CEP63: variants seen among roughly 807,000 people sequenced by gnomAD.
CEP63 encodes centrosomal protein 63.
A neutral mutation model predicts 89.1 loss-of-function variants in CEP63; 84 were observed. That is an observed-to-expected ratio of 0.94 (90% CI 0.79 to 1.13). CEP63 has a LOEUF of 1.13. CEP63 is among the 50% of genes most tolerant of loss of function. The pLI, the probability that CEP63 is intolerant of heterozygous loss-of-function variation, is 0.00. For synonymous variants in CEP63, 267 were observed against 272.5 expected, an observed-to-expected ratio of 0.98 and a Z score of 0.20; for missense variants, 838 against 813.3, an observed-to-expected ratio of 1.03 and a Z score of -0.37.
At chr3:134,626,230 G>T in the CEP63 span, among the ~76,000 whole-genome samples, 1 of 152,260 alleles carries the variant, frequency 6.6e-6, no homozygotes, top group Non-Finnish European at 1.5e-5. Flanking sequence ...CATGTCGGGA[G>T]CCTCTGGGTG....
At chr3:134,652,275 T>C in the CEP63 span, among the ~76,000 whole-genome samples, 1 of 152,104 alleles carries the variant, frequency 6.6e-6, no homozygotes, top group African/African-American at 2.4e-5. Flanking sequence ...TCATTCTTAC[T>C]TCATTTTAAG....
the CEP63 span, among the ~76,000 whole-genome samples, chr3:134,653,775 C>T: frequency 6.6e-6 from 1 of 152,180 alleles, no homozygotes; most frequent in African/African-American, 2.4e-5. Flanking sequence ...GGACAAATAA[C>T]AGAACGCTCA....
At chr3:134,719,962 G>A in the CEP63 span, among the ~76,000 whole-genome samples, 4 of 152,098 alleles carry the variant, frequency 2.6e-5, no homozygotes, top group Non-Finnish European at 4.4e-5. Context: ...AAGGATATAT[G>A]TTTTCATTTG....
the CEP63 span, among the ~76,000 whole-genome samples, chr3:134,597,472 G>C: frequency 6.6e-6 from 1 of 152,194 alleles, no homozygotes; most frequent in Admixed American, 6.5e-5. Context: ...AAGTTAACTT[G>C]TGTGTGCTGC....
intron 13 of CEP63, 58 bp from the exon 14 acceptor site, chr3:134,559,092 G>T: frequency 6.3e-7 from 1 of 1,583,912 alleles, no homozygotes; most frequent in Non-Finnish European, 8.6e-7. Flanking sequence ...CATTTCTGTT[G>T]GAAAGAGAAA....
At chr3:134,726,851 G>A in the CEP63 span, among the ~76,000 whole-genome samples, 200 of 152,310 alleles carry the variant, frequency 1.3e-3, 1 homozygote, top group Admixed American at 4.5e-3. Context: ...TTAGCACAGG[G>A]AACTGCCGGC....
chr3:134,633,138 G>T, the CEP63 span, among the ~76,000 whole-genome samples: 1 of 151,932 alleles, frequency 6.6e-6, no homozygotes, highest in Admixed American at 6.6e-5. Flanking sequence ...CCCCCCAAAA[G>T]CCAGGCCCAG....
At position 134,558,338 on chromosome 3, in the gene CEP63, CAG is replaced by C; in HGVS notation, c.1667_1668del (p.Glu556ValfsTer11). On this transcript the variant is annotated frameshift_variant, in exon 13 of 15. Transcript: ENST00000675561. LOFTEE classifies it high-confidence loss of function. ...AGCAGAACAACTGAGTTCAAGAATA[CAG>C]AGTTCAAGTAAAATTTTTTAAAAGT... 6.2e-7 allele frequency: 1 copy of C among 1,606,718 alleles called. No individual in the cohort carries two copies. The highest frequency in any genetic ancestry group is 8.5e-7 in the Non-Finnish European group (1 of 1,176,364).
At chr3:134,666,648 G>A in the CEP63 span, among the ~76,000 whole-genome samples, 2 of 152,082 alleles carry the variant, frequency 1.3e-5, no homozygotes, top group Non-Finnish European at 2.9e-5. Context: ...CCCCTGGAAG[G>A]GCAGCCTGGG....
the CEP63 span, among the ~76,000 whole-genome samples, chr3:134,765,016 C>G: frequency 6.6e-6 from 1 of 152,160 alleles, no homozygotes; most frequent in South Asian, 2.1e-4. Context: ...GGAGGAGCAT[C>G]AGAACCACCT....
the CEP63 span, among the ~76,000 whole-genome samples, chr3:134,671,027 GCAC>G: frequency 2.6e-5 from 4 of 152,162 alleles, no homozygotes; most frequent in Admixed American, 1.3e-4. Flanking sequence ...TGAATAGAAT[GCAC>G]CACAACTTCA....
intron 3 of CEP63, among the ~76,000 whole-genome samples, chr3:134,528,553 G>GGT (rs71139537): frequency 3.6e-4 from 39 of 108,898 alleles, no homozygotes; most frequent in African/African-American, 6.2e-4. Flanking sequence ...CTTAAGGAGG[G>GGT]GTGTGTGTGT....
the CEP63 span, among the ~76,000 whole-genome samples, chr3:134,728,195 A>G: frequency 3.3e-5 from 5 of 152,232 alleles, no homozygotes; most frequent in African/African-American, 1.2e-4. Context: ...AAGTTAAAGT[A>G]GTAAGAGTTC....
intron 3 of CEP63, among the ~76,000 whole-genome samples, chr3:134,517,313 C>T (rs1300375790): frequency 6.6e-6 from 1 of 152,042 alleles, no homozygotes; most frequent in African/African-American, 2.4e-5. Flanking sequence ...AAAGAAAATC[C>T]TCTTTCTGTC....
chr3:134,621,768 G>A, the CEP63 span, among the ~76,000 whole-genome samples: 1 of 152,114 alleles, frequency 6.6e-6, no homozygotes, highest in Non-Finnish European at 1.5e-5. Context: ...TCATTTAGAA[G>A]GCAGAAAGAA....
chr3:134,696,067 C>T, the CEP63 span, among the ~76,000 whole-genome samples: 51 of 152,350 alleles, frequency 3.3e-4, no homozygotes, highest in African/African-American at 1.1e-3. Context: ...CCTAATAAGA[C>T]AAACACCTGG....
chr3:134,564,553 A>G lies in CEP63; in HGVS notation c.*3018A>G, dbSNP rs1172530982. 1.0e-6 allele frequency: 1 copy of G among 985,362 alleles called. No homozygotes were observed. The highest frequency in any genetic ancestry group is 1.7e-5 in the African/African-American group (1 of 57,258). 61.0% of individuals were successfully genotyped at this position (985,362 alleles called of 1,614,324 possible). On this transcript the variant is annotated 3_prime_UTR_variant, in exon 15 of 15. Coordinates refer to ENST00000675561, the MANE Select transcript of CEP63 (RefSeq NM_001353108.3). ...GTCAGCATGCTGCCTAACACATAAC[A>G]GATCCTAAGCAAATATTGGGTGGAT...
chr3:134,680,115 C>G, the CEP63 span, among the ~76,000 whole-genome samples: 1 of 152,158 alleles, frequency 6.6e-6, no homozygotes, highest in African/African-American at 2.4e-5. Flanking sequence ...AGAAGACAGC[C>G]ATGTGCAAGC....
chr3:134,611,954 A>G, the CEP63 span, among the ~76,000 whole-genome samples: 1 of 152,244 alleles, frequency 6.6e-6, no homozygotes, highest in African/African-American at 2.4e-5. Flanking sequence ...TCACTTGCTG[A>G]GAGAGTCATT....
Sources: gnomAD v4.1 joint callset for allele counts (sites outside exome capture counted in the v4.1 genomes callset) on GRCh38, gnomAD v4.1.1 for gene constraint, MANE v1.5 for transcripts, NCBI Gene and HGNC (gene_info 2026-07-23, HGNC 2026-07-21) for gene names.